ABCB4: variants seen among roughly 807,000 people sequenced by gnomAD.
ABCB4 encodes ATP binding cassette subfamily B member 4.
A neutral mutation model predicts 145.7 loss-of-function variants in ABCB4; 76 were observed. The ratio of observed to expected loss-of-function variants is 0.52; its 90% CI spans 0.43 to 0.63. The LOEUF (loss-of-function observed/expected upper bound fraction) is 0.63. Among genes scored for constraint, ABCB4 ranks in the 30% least tolerant of loss-of-function variants. The pLI is 0.00. For synonymous variants in ABCB4, 517 were observed against 566.8 expected (o/e 0.91, Z 1.25); for missense variants, 1,234 against 1,553.1 (o/e 0.79, Z 3.45).
In ABCB4 at chr7:87,410,564, C is replaced by T. The variant is rs554705985; in HGVS notation, c.2925-1172G>A. On this transcript the variant is annotated intron_variant, in intron 23 of 27. Coordinates refer to ENST00000649586, the MANE Select transcript of ABCB4 (RefSeq NM_000443.4). ...AAGCAGGAATAATGTGACTTTCCAA[C>T]GGTTTTCACTTTCAGAAATGTTCTC... Among the ~76,000 whole-genome samples the T allele has an allele frequency of 2.0e-4, 30 of 152,244 alleles. No individual in the cohort carries two copies. The South Asian group carries it at 2.1e-3, about 11-fold the overall frequency.
Position 87,401,866 on chromosome 7 carries a change from T to C in ABCB4, c.*230A>G. 1 of 681,276 alleles carries C rather than the reference T, an allele frequency of 1.5e-6. No homozygotes were observed. The highest frequency in any genetic ancestry group is 1.8e-5 in the African/African-American group (1 of 56,632). 42.2% of individuals were successfully genotyped at this position (681,276 alleles called of 1,614,324 possible). A position where few individuals can be genotyped will look rare whatever the true frequency, so the allele number is the denominator to read the frequency against. ...TTGTTCTTTTTCTGGATGTTTCTAA[T>C]AACTTAGGGAGAGCTAGCCTGTTGT... On this transcript the variant is annotated 3_prime_UTR_variant, in exon 28 of 28. Transcript: ENST00000649586.
chr7:87,398,078 T>C (rs1807600167), downstream of ABCB4, among the ~76,000 whole-genome samples: 1 of 150,582 alleles, frequency 6.6e-6, no homozygotes, highest in Non-Finnish European at 1.5e-5. Context: ...AGAAATAGCC[T>C]TTCTCACCTA....
chr7:87,366,214 T>C, the ABCB4 span, among the ~76,000 whole-genome samples: 1 of 152,054 alleles, frequency 6.6e-6, no homozygotes, highest in African/African-American at 2.4e-5. Flanking sequence ...TTAAGCTTAC[T>C]ACTTCCCCTG....
chr7:87,468,950 T>A (rs1199603389), intron 3 of ABCB4, among the ~76,000 whole-genome samples: 1 of 140,878 alleles, frequency 7.1e-6, no homozygotes, highest in African/African-American at 3.0e-5. Flanking sequence ...ATAAATAAAA[T>A]AAAATAAAAT....
chr7:87,386,037 C>A, the ABCB4 span, among the ~76,000 whole-genome samples: 1 of 152,076 alleles, frequency 6.6e-6, no homozygotes, highest in Non-Finnish European at 1.5e-5. Context: ...GGTGAGTGAT[C>A]TTTTTAATGT....
chr7:87,432,733 G>T (rs1398590767), intron 14 of ABCB4, among the ~76,000 whole-genome samples: 1 of 152,164 alleles, frequency 6.6e-6, no homozygotes, highest in Non-Finnish European at 1.5e-5. Flanking sequence ...AGGGTGGAAT[G>T]CAGAGTGACT....
chr7:87,393,323 A>C, the ABCB4 span, among the ~76,000 whole-genome samples: 6 of 152,254 alleles, frequency 3.9e-5, no homozygotes, highest in African/African-American at 1.2e-4. Flanking sequence ...TCATATCATC[A>C]TCCTCAAAAT....
chr7:87,468,189 C>G (rs144034224), intron 3 of ABCB4, among the ~76,000 whole-genome samples: 1 of 151,942 alleles, frequency 6.6e-6, no homozygotes, highest in Non-Finnish European at 1.5e-5. Context: ...ATCAAATAGA[C>G]GCAATAAAAA....
At chr7:87,368,500 G>A in the ABCB4 span, among the ~76,000 whole-genome samples, 1 of 152,210 alleles carries the variant, frequency 6.6e-6, no homozygotes, top group Middle Eastern at 3.4e-3. Flanking sequence ...CATCCCCTAG[G>A]TCTTGAGGAA....
intron 14 of ABCB4, among the ~76,000 whole-genome samples, chr7:87,437,119 C>T (rs187977253): frequency 1.6e-4 from 25 of 152,300 alleles, no homozygotes; most frequent in Non-Finnish European, 3.2e-4. Context: ...TTACTGCTCA[C>T]CCATTAAGAG....
chr7:87,368,378 C>A, the ABCB4 span, among the ~76,000 whole-genome samples: 109,682 of 151,816 alleles, frequency 0.72, 41,380 homozygotes, highest in Middle Eastern at 0.84. Context: ...CAGGAGATGA[C>A]AGCAATAAAA....
In ABCB4 at chr7:87,453,071, A is replaced by T. The variant is rs754988874; in HGVS notation, c.409T>A (p.Phe137Ile). ...VLVAAYIQVS[F>I]WTLAAGRQIR... ...TGTCGACCAGCTGCCAAAGTCCAAAATGAAACTTGTATATAGGCAGCAACA... is the reference window on the plus strand; with the variant it reads ...TGTCGACCAGCTGCCAAAGTCCAAATTGAAACTTGTATATAGGCAGCAACA... Residue 137 changes from phenylalanine to isoleucine, a missense_variant, in exon 6 of 28, where the codon TTT (phenylalanine) becomes ATT (isoleucine). Physicochemically the swap from Phe to Ile is conservative, Grantham distance 21 (BLOSUM62 0). This residue lies in a region of ABCB4 where 467 missense variants were observed against 632.8 expected (regional missense o/e 0.74). Transcript: ENST00000649586. The T allele has an allele frequency of 6.2e-7, 1 of 1,614,148 alleles. No homozygotes were observed. Among genetic ancestry groups the T allele is most frequent in the Non-Finnish European group, 8.5e-7 (1 of 1,180,018 alleles).
chr7:87,418,759 G>A (rs1009125510), intron 19 of ABCB4, 139 bp from the exon 20 acceptor site: 2 of 770,596 alleles, frequency 2.6e-6, no homozygotes, highest in African/African-American at 1.7e-5. Context: ...GCCTTGCTCT[G>A]AGCACACACC....
At chr7:87,454,649 C>G in intron 4 of ABCB4, 57 bp from the exon 5 acceptor site, 1 of 1,264,096 alleles carries the variant, frequency 7.9e-7, no homozygotes. Context: ...ATAGGCATTG[C>G]CAGGTTTTTA....
At chr7:87,438,425 T>C (rs559634368) in intron 14 of ABCB4, among the ~76,000 whole-genome samples, 34 of 152,312 alleles carry the variant, frequency 2.2e-4, no homozygotes, top group African/African-American at 8.2e-4. Flanking sequence ...ATTATTGTGT[T>C]ATTAATCATT....
rs1269792276 is a variant in ABCB4 at position 87,453,004 on chromosome 7, C to T, written c.476G>A (p.Arg159Gln). ...IRQKFFHAIL[R>Q]QEIGWFDIND... ...GATGTCAAACCATCCTATTTCCTGTCGTAGAATAGCATGAAAAAACTTCTG... is the reference window on the plus strand; with the variant it reads ...GATGTCAAACCATCCTATTTCCTGTTGTAGAATAGCATGAAAAAACTTCTG... The change falls in exon 6 of 28, where the codon CGA becomes CAA. Residue 159 changes from arginine to glutamine, a missense_variant. Physicochemically the swap from Arg to Gln is conservative, Grantham distance 43. Coordinates refer to ENST00000649586, the MANE Select transcript of ABCB4 (RefSeq NM_000443.4). The T allele has an allele frequency of 8.1e-6, 13 of 1,613,848 alleles. No homozygotes were observed. Among genetic ancestry groups the T allele is most frequent in the Middle Eastern group, 1.6e-4 (1 of 6,084 alleles).
At chr7:87,396,895 T>A (rs904376544), downstream of ABCB4, among the ~76,000 whole-genome samples, 3 of 152,316 alleles carry the variant, frequency 2.0e-5, no homozygotes, top group African/African-American at 7.2e-5. Context: ...CTATTAAGTA[T>A]GCTTTGAGAT....
At chr7:87,405,920 G>T in intron 26 of ABCB4, 1 of 321,382 alleles carries the variant, frequency 3.1e-6, no homozygotes, top group Non-Finnish European at 5.9e-6. Context: ...CTAGGTAAAG[G>T]GTACATAAGA....
At position 87,408,054 on chromosome 7, in the gene ABCB4, G is replaced by C; in HGVS notation, c.3262C>G (p.Pro1088Ala). The C allele has an allele frequency of 6.2e-7, 1 of 1,613,932 alleles. No individual in the cohort carries two copies. The highest frequency in any genetic ancestry group is 8.5e-7 in the Non-Finnish European group (1 of 1,180,014). ...VVQLLERFYD[P>A]LAGTVLLDGQ... Reference sequence around the variant, plus strand: ...GTGCTCACCACTGTCCCCGCCAAGGGGTCGTAGAACCGCTCCAGGAGCTGG... The same window carrying C: ...GTGCTCACCACTGTCCCCGCCAAGGCGTCGTAGAACCGCTCCAGGAGCTGG... Residue 1088 changes from proline (P) to alanine (A), a missense_variant, in exon 25 of 28, where the codon CCC (proline) becomes GCC (alanine). Coordinates refer to ENST00000649586, the MANE Select transcript of ABCB4 (RefSeq NM_000443.4).
Sources: allele counts gnomAD v4.1 joint callset (sites outside exome capture counted in the v4.1 genomes callset), GRCh38; gene constraint gnomAD v4.1.1; regional missense constraint gnomAD v4.1.1; transcripts MANE v1.5; gene names NCBI Gene and HGNC (gene_info 2026-07-23, HGNC 2026-07-21).